MAST4: variants seen among roughly 807,000 people sequenced by gnomAD.
MAST4 encodes microtubule-associated serine/threonine-protein kinase 4.
In MAST4, 89 loss-of-function variants were observed where a neutral mutation model predicts 162.7. That is an observed-to-expected ratio of 0.55 (90% CI 0.46 to 0.65). The LOEUF is 0.65. Among genes scored for constraint, MAST4 ranks in the 30% least tolerant of loss-of-function variants. The pLI is 0.00. For missense variants in MAST4, 3,153 were observed against 3,374.0 expected (o/e 0.93, Z 1.62); for synonymous variants, 1,479 against 1,361.1 (o/e 1.09, Z -1.91).
At chr5:66,946,604 C>T (rs1319864469) in intron 4 of MAST4, among the ~76,000 whole-genome samples, 2 of 152,070 alleles carry the variant, frequency 1.3e-5, no homozygotes, top group East Asian at 3.9e-4. Context: ...TATAGAAGTG[C>T]CTGAAAGGTT....
rs1031149111 is a variant in MAST4, at chr5:67,067,741, C to A, written c.763+13249C>A. ...AAATTAATGGCATTTAAAAAAAAAT[C>A]AACTCCAGTAGATCAGAACCACGGC... On this transcript the variant is annotated intron_variant, in intron 5 of 28. Coordinates refer to ENST00000403625, the MANE Select transcript of MAST4 (RefSeq NM_001164664.2). Among the ~76,000 whole-genome samples the A allele has an allele frequency of 2.0e-5, 3 of 152,120 alleles. No individual in the cohort carries two copies. The East Asian group carries it at 5.8e-4, about 29-fold the overall frequency.
intron 1 of MAST4, among the ~76,000 whole-genome samples, chr5:66,718,577 A>G (rs542663025): frequency 1.9e-4 from 29 of 152,224 alleles, no homozygotes; most frequent in Non-Finnish European, 3.5e-4. Context: ...GGTTTTGTGG[A>G]CAGCCTGAAA....
chr5:66,680,033 T>G (rs1475146506), intron 1 of MAST4, among the ~76,000 whole-genome samples: 2 of 152,202 alleles, frequency 1.3e-5, no homozygotes, highest in Non-Finnish European at 2.9e-5. Flanking sequence ...AGACTGATCA[T>G]GAGCAGCTTG....
At chr5:66,978,364 G>A (rs1374096564) in intron 4 of MAST4, among the ~76,000 whole-genome samples, 1 of 152,128 alleles carries the variant, frequency 6.6e-6, no homozygotes, top group East Asian at 1.9e-4. Flanking sequence ...TCAGTCTTTA[G>A]GAAGTCTTCT....
chr5:66,817,094 T>G (rs1756766010), intron 3 of MAST4, among the ~76,000 whole-genome samples: 1 of 152,200 alleles, frequency 6.6e-6, no homozygotes, highest in African/African-American at 2.4e-5. Context: ...TATCTCCTTG[T>G]ATTTTATTTG....
At chr5:67,080,209 A>G (rs1762438484) in intron 5 of MAST4, among the ~76,000 whole-genome samples, 1 of 152,208 alleles carries the variant, frequency 6.6e-6, no homozygotes, top group African/African-American at 2.4e-5. Context: ...TGGCCCTAGC[A>G]AAGTGTCCAG....
rs946463116 is a variant in MAST4 at position 67,099,812 on chromosome 5, G to GT, written c.913-611dup. On this transcript the variant is annotated intron_variant, in intron 7 of 28. Transcript: ENST00000403625. ...ACAAAAAATTCACCACCACTTGAAG[G>GT]TTTTTTTTTTTTATTTTAAGTTATA... Among the ~76,000 whole-genome samples, 393 of 144,916 alleles carry GT rather than the reference G, an allele frequency of 2.7e-3. 3 individuals are homozygous for GT. The highest frequency in any genetic ancestry group is 5.8e-3 in the African/African-American group (231 of 39,890).
At chr5:66,962,801 T>C (rs573373850) in intron 4 of MAST4, among the ~76,000 whole-genome samples, 14 of 152,328 alleles carry the variant, frequency 9.2e-5, no homozygotes, top group Non-Finnish European at 1.5e-4. Flanking sequence ...CAAGAATACC[T>C]ACAGAATACT....
chr5:67,042,534 T>TC lies in MAST4; in HGVS notation c.675-11868dup, dbSNP rs1205139275. Among the ~76,000 whole-genome samples, 8 of 152,174 alleles carry TC rather than the reference T, an allele frequency of 5.3e-5. No homozygotes were observed. The South Asian group carries it at 1.2e-3, about 24-fold the overall frequency. On this transcript the variant is annotated intron_variant, in intron 4 of 28. Coordinates refer to ENST00000403625, the MANE Select transcript of MAST4 (RefSeq NM_001164664.2). ...TTCCTTTGACCTCTTTTTTTTTTTTTCCGCGCTTTTCACCAAGGTGGGCTA... is the reference window on the plus strand; with the variant it reads ...TTCCTTTGACCTCTTTTTTTTTTTTTCCCGCGCTTTTCACCAAGGTGGGCTA...
At chr5:66,988,500 A>C (rs1749746824) in intron 4 of MAST4, among the ~76,000 whole-genome samples, 1 of 152,216 alleles carries the variant, frequency 6.6e-6, no homozygotes, top group East Asian at 1.9e-4. Flanking sequence ...GGAATATTAG[A>C]CACTGTTTTA....
At chr5:66,834,712 G>A (rs1179275719) in intron 3 of MAST4, among the ~76,000 whole-genome samples, 3 of 152,126 alleles carry the variant, frequency 2.0e-5, no homozygotes, top group African/African-American at 7.2e-5. Flanking sequence ...AAAAGCCATG[G>A]CCCCCAGCCA....
intron 5 of MAST4, among the ~76,000 whole-genome samples, chr5:67,077,953 G>A (rs1213515509): frequency 6.6e-6 from 1 of 152,070 alleles, no homozygotes; most frequent in Non-Finnish European, 1.5e-5. Flanking sequence ...CAACAAAATA[G>A]CTGGGCGTGG....
At chr5:66,865,816 T>TTTGGGAG (rs1760471187) in intron 3 of MAST4, among the ~76,000 whole-genome samples, 5 of 152,202 alleles carry the variant, frequency 3.3e-5, no homozygotes, top group Admixed American at 6.5e-5. Flanking sequence ...GGCTCACGCC[T>TTTGGGAG]GTAATCCCAG....
chr5:67,107,834 A>G (rs1368381922), intron 10 of MAST4, among the ~76,000 whole-genome samples: 1 of 152,246 alleles, frequency 6.6e-6, no homozygotes, highest in Non-Finnish European at 1.5e-5. Flanking sequence ...GCCAAAGACA[A>G]TAAAATACAT....
At position 67,163,767 on chromosome 5, in the gene MAST4, G is replaced by T; in HGVS notation, c.4588G>T (p.Asp1530Tyr). Residue 1530 changes from aspartate to tyrosine, a missense_variant, in exon 29 of 29, where the codon GAC (aspartate) becomes TAC (tyrosine). Asp to Tyr is a radical substitution (Grantham distance 160). Transcript: ENST00000403625. This position sits in a 1 kb window ranked among gnomAD's most constrained non-coding sequence, Gnocchi z 7.0. ...GGAGTCTGTGGACGACCTGGACCGC[G>T]ACAAGCTGAAGGCCAAGGTGGTGGT... is the stretch of plus-strand genomic sequence containing the variant. ...RQESVDDLDRDKLKAKVVVKK... is the reference protein window; with the variant it reads ...RQESVDDLDRYKLKAKVVVKK... 1 of 1,610,444 alleles carries T rather than the reference G, an allele frequency of 6.2e-7. No homozygotes were observed. The highest frequency in any genetic ancestry group is 8.5e-7 in the Non-Finnish European group (1 of 1,178,440).
intron 1 of MAST4, among the ~76,000 whole-genome samples, chr5:66,688,697 A>G (rs1650563006): frequency 6.6e-6 from 1 of 152,166 alleles, no homozygotes; most frequent in African/African-American, 2.4e-5. Flanking sequence ...GTATGGTACC[A>G]AATTTACTTA....
At chr5:66,635,289 G>A (rs1394070532) in intron 1 of MAST4, among the ~76,000 whole-genome samples, 3 of 152,172 alleles carry the variant, frequency 2.0e-5, no homozygotes, top group South Asian at 2.1e-4. Context: ...GTCTGGAAAC[G>A]ACACGTTAGT....
At chr5:66,890,210 A>G (rs182458851) in intron 3 of MAST4, among the ~76,000 whole-genome samples, 1 of 152,316 alleles carries the variant, frequency 6.6e-6, no homozygotes, top group Admixed American at 6.5e-5. Flanking sequence ...CCTTGATATA[A>G]TAAATGCACT....
At chr5:66,891,836 T>C (rs545094104) in intron 3 of MAST4, among the ~76,000 whole-genome samples, 1 of 152,370 alleles carries the variant, frequency 6.6e-6, no homozygotes, top group South Asian at 2.1e-4. Context: ...CAAGTTAAAC[T>C]GGTTTAAACA....
Sources: allele counts gnomAD v4.1 joint callset (sites outside exome capture counted in the v4.1 genomes callset), GRCh38; gene constraint gnomAD v4.1.1; non-coding constraint Gnocchi (gnomAD v3.1); transcripts MANE v1.5; gene names NCBI Gene and HGNC (gene_info 2026-07-23, HGNC 2026-07-21).